Variants in PPP1R1C observed in about 807,000 individuals in gnomAD.
PPP1R1C encodes the protein protein phosphatase 1 regulatory subunit 1C.
A neutral mutation model predicts 17.4 loss-of-function variants in PPP1R1C; 15 were observed. The ratio of observed to expected loss-of-function variants is 0.86; its 90% CI spans 0.58 to 1.33. PPP1R1C has a LOEUF of 1.33. PPP1R1C is among the 40% of genes most tolerant of loss of function. The probability of loss-of-function intolerance (pLI) is 0.00; values close to 1 mark genes in which losing one functional copy is unlikely to be tolerated. For missense variants in PPP1R1C, 143 were observed against 130.0 expected (o/e 1.10, Z -0.48); for synonymous variants, 35 against 43.1 (o/e 0.81, Z 0.73).
At chr2:181,956,061 GCC>G (rs1684665202) in intron 1 of PPP1R1C, among the ~76,000 whole-genome samples, 1 of 151,850 alleles carries the variant, frequency 6.6e-6, no homozygotes, top group African/African-American at 2.4e-5. Context: ...CGCCACCCCT[GCC>G]CACAGGCCTG....
chr2:182,128,689 C>G (rs994923004), intron 5 of PPP1R1C, among the ~76,000 whole-genome samples: 7 of 152,010 alleles, frequency 4.6e-5, no homozygotes, highest in Non-Finnish European at 7.4e-5. Flanking sequence ...AGCATTGTAA[C>G]CAGTTGATTT....
intron 2 of PPP1R1C, among the ~76,000 whole-genome samples, chr2:182,056,091 A>C (rs528913521): frequency 6.6e-6 from 1 of 152,308 alleles, no homozygotes; most frequent in East Asian, 1.9e-4. Context: ...AAGCAGAGGC[A>C]CTTACCTGGC....
intron 4 of PPP1R1C, among the ~76,000 whole-genome samples, chr2:182,088,581 G>A (rs970526395): frequency 2.0e-5 from 3 of 152,188 alleles, no homozygotes; most frequent in Non-Finnish European, 2.9e-5. Flanking sequence ...CTGTAACCAA[G>A]GAATACATGT....
intron 1 of PPP1R1C, among the ~76,000 whole-genome samples, chr2:181,971,359 G>A (rs1170425802): frequency 6.6e-6 from 1 of 152,178 alleles, no homozygotes; most frequent in Non-Finnish European, 1.5e-5. Context: ...GTCTAGAAAT[G>A]TCCAGGAGCT....
intron 2 of PPP1R1C, among the ~76,000 whole-genome samples, chr2:182,041,184 G>GA (rs1687170797): frequency 6.6e-6 from 1 of 152,104 alleles, no homozygotes; most frequent in Non-Finnish European, 1.5e-5. Flanking sequence ...CTAATTCTGT[G>GA]AAAAATGATG....
chr2:181,954,708 C>T (rs1309021533), intron 1 of PPP1R1C: 1 of 152,160 alleles, frequency 6.6e-6, no homozygotes, highest in Non-Finnish European at 1.5e-5. Flanking sequence ...TAAACAGAAA[C>T]AGACTTCCAT....
At chr2:182,016,492 A>T (rs1356842816) in intron 2 of PPP1R1C, among the ~76,000 whole-genome samples, 2 of 152,132 alleles carry the variant, frequency 1.3e-5, no homozygotes, top group African/African-American at 4.8e-5. Flanking sequence ...CAATTTCTTT[A>T]TCTGGAATAT....
intron 2 of PPP1R1C, among the ~76,000 whole-genome samples, chr2:182,012,471 A>T (rs1351259607): frequency 1.3e-5 from 2 of 151,518 alleles, no homozygotes; most frequent in African/African-American, 4.8e-5. Context: ...ATCTTTTTTG[A>T]TCCCTTTATG....
At chr2:182,108,578 T>G (rs1337126048) in intron 4 of PPP1R1C, among the ~76,000 whole-genome samples, 4 of 152,192 alleles carry the variant, frequency 2.6e-5, no homozygotes, top group Non-Finnish European at 5.9e-5. Context: ...AACCATATAT[T>G]CATTTGGGTA....
intron 1 of PPP1R1C, among the ~76,000 whole-genome samples, chr2:181,958,640 C>T (rs1010366416): frequency 6.6e-6 from 1 of 152,210 alleles, no homozygotes; most frequent in African/African-American, 2.4e-5. Context: ...TTCTTGTACT[C>T]ACTTCCCATC....
At chr2:181,970,257 T>G (rs1211101026) in intron 1 of PPP1R1C, among the ~76,000 whole-genome samples, 1 of 152,190 alleles carries the variant, frequency 6.6e-6, no homozygotes, top group Non-Finnish European at 1.5e-5. Context: ...CTGTGCTTAT[T>G]TGTACCCATC....
chr2:182,113,255 C>T (rs1243459156), intron 4 of PPP1R1C, among the ~76,000 whole-genome samples: 1 of 152,164 alleles, frequency 6.6e-6, no homozygotes, highest in Non-Finnish European at 1.5e-5. Flanking sequence ...TAAATGTCAG[C>T]CATTGACTCT....
rs752968536 is a variant in PPP1R1C at position 181,986,104 on chromosome 2, C to G, written c.-7C>G. The G allele has an allele frequency of 3.7e-6, 6 of 1,611,664 alleles. No individual in the cohort carries two copies. The Admixed American group carries it at 1.0e-4, about 27-fold the overall frequency. On this transcript the variant is annotated 5_prime_UTR_variant, in exon 1 of 5. In the 5' UTR this introduces an upstream ATG that the reference lacks. Coordinates refer to ENST00000682840, the MANE Select transcript of PPP1R1C (RefSeq NM_001080545.3). ...CTTCACATCTCTGACTAATTATCATCATTACCATGGAGCCCAACAGTCCCA... is the reference window on the plus strand; with the variant it reads ...CTTCACATCTCTGACTAATTATCATGATTACCATGGAGCCCAACAGTCCCA...
chr2:182,023,161 A>G (rs1686482081), intron 2 of PPP1R1C, among the ~76,000 whole-genome samples: 1 of 152,228 alleles, frequency 6.6e-6, no homozygotes, highest in Non-Finnish European at 1.5e-5. Context: ...AGAAACAGAA[A>G]AAAATTTATT....
intron 4 of PPP1R1C, among the ~76,000 whole-genome samples, chr2:182,081,955 C>G (rs2125214041): frequency 6.6e-6 from 1 of 152,218 alleles, no homozygotes; most frequent in African/African-American, 2.4e-5. Context: ...AAGCAAATAC[C>G]AAGTTCTGAC....
At chr2:182,087,205 A>C (rs1247914363) in intron 4 of PPP1R1C, among the ~76,000 whole-genome samples, 3 of 152,206 alleles carry the variant, frequency 2.0e-5, no homozygotes, top group Admixed American at 6.5e-5. Context: ...ACCTTTGTAC[A>C]CTGCAGTTTA....
Position 181,967,688 on chromosome 2 carries a change from C to T in PPP1R1C, n.112-7531C>T, listed in dbSNP as rs1684928183. On this transcript the variant is annotated intron_variant and non_coding_transcript_variant, in intron 1 of 5. Coordinates refer to the PPP1R1C transcript ENST00000464264. The surrounding 1 kb of genome is among the most constrained non-coding windows in gnomAD (Gnocchi z 5.5). ...CCTTCTCTCTCTCTTTCCTTCCTTC[C>T]TTCCTTTCTTTCTCTTTCTTTCTTT... 6.6e-6 allele frequency among the ~76,000 whole-genome samples: 1 copy of T among 150,516 alleles called. No homozygotes were observed. Among genetic ancestry groups the T allele is most frequent in the African/African-American group, 2.5e-5 (1 of 40,794 alleles).
At chr2:182,027,728 A>G (rs1686665170) in intron 2 of PPP1R1C, among the ~76,000 whole-genome samples, 1 of 151,324 alleles carries the variant, frequency 6.6e-6, no homozygotes, top group Non-Finnish European at 1.5e-5. Context: ...AGCCTCATAA[A>G]ATGAGTTAGG....
rs114050605 is a variant in PPP1R1C at position 182,059,607 on chromosome 2, A to C, written c.143-1835A>C. On this transcript the variant is annotated intron_variant, in intron 2 of 4. Transcript: ENST00000682840. ...TTTGTCTGAGTCAATTTGACCTGAA[A>C]AGTTAGTTATTTAATTTTCACTTTT... is the stretch of plus-strand genomic sequence containing the variant. Among the ~76,000 whole-genome samples the C allele has an allele frequency of 8.1e-4, 123 of 152,186 alleles. 1 individual carries two copies. Among genetic ancestry groups the C allele is most frequent in the African/African-American group, 2.9e-3 (119 of 41,538 alleles).
Sources: gnomAD v4.1 joint callset for allele counts (sites outside exome capture counted in the v4.1 genomes callset) on GRCh38, gnomAD v4.1.1 for gene constraint, Gnocchi (gnomAD v3.1) non-coding constraint, MANE v1.5 for transcripts, NCBI Gene and HGNC (gene_info 2026-07-23, HGNC 2026-07-21) for gene names.